Variants in SKIC3 observed in about 807,000 individuals in gnomAD.
SKIC3 encodes SKI3 subunit of superkiller complex.
At chr5:95,547,125 G>C in the SKIC3 span, 1 of 1,613,164 alleles carries the variant, frequency 6.2e-7, no homozygotes, top group Non-Finnish European at 8.5e-7. Context: ...ACTTTTTAGA[G>C]CAGTCTTCAC....
chr5:95,482,539 T>TGGGAGTGGCTTTTGTGACTCC, the SKIC3 span: 3 of 1,614,028 alleles, frequency 1.9e-6, no homozygotes, highest in Non-Finnish European at 2.5e-6. Context: ...GTACAGCATC[T>TGGGAGTGGCTTTTGTGACTCC]GGGAGTGGCT....
chr5:95,519,477 C>G, the SKIC3 span, among the ~76,000 whole-genome samples: 1 of 151,820 alleles, frequency 6.6e-6, no homozygotes, highest in Non-Finnish European at 1.5e-5. Flanking sequence ...CACTGAGAAT[C>G]TGAAAGAAGG....
chr5:95,523,863 A>AAATAAACT, the SKIC3 span: 1 of 1,597,930 alleles, frequency 6.3e-7, no homozygotes, highest in East Asian at 2.2e-5. Flanking sequence ...TAATAACAGA[A>AAATAAACT]CATTAAAAGT....
chr5:95,487,451 G>A, the SKIC3 span, among the ~76,000 whole-genome samples: 9 of 152,280 alleles, frequency 5.9e-5, no homozygotes, highest in South Asian at 1.9e-3. Flanking sequence ...TGGCATCCAA[G>A]GACAGGCAAG....
chr5:95,516,921 A>C, the SKIC3 span: 5 of 1,598,726 alleles, frequency 3.1e-6, no homozygotes, highest in African/African-American at 6.7e-5. Context: ...CATACATGTA[A>C]AGATTTCTCC....
the SKIC3 span, among the ~76,000 whole-genome samples, chr5:95,484,544 G>A: frequency 4.0e-5 from 6 of 151,666 alleles, no homozygotes; most frequent in Admixed American, 2.0e-4. Context: ...ACAGCCTCTC[G>A]CTATGTTGCC....
chr5:95,550,425 T>C, the SKIC3 span, among the ~76,000 whole-genome samples: 1 of 148,148 alleles, frequency 6.8e-6, no homozygotes, highest in African/African-American at 2.5e-5. Context: ...TATCTTTAAA[T>C]CTAATAACAA....
the SKIC3 span, among the ~76,000 whole-genome samples, chr5:95,519,631 T>C: frequency 7.9e-5 from 12 of 152,078 alleles, no homozygotes; most frequent in African/African-American, 2.7e-4. Context: ...AAATAAAATA[T>C]CTATAAATTG....
chr5:95,475,228 T>C, the SKIC3 span, among the ~76,000 whole-genome samples: 1 of 152,102 alleles, frequency 6.6e-6, no homozygotes, highest in African/African-American at 2.4e-5. Context: ...TCTGGGAGGG[T>C]TGGTGATATG....
chr5:95,527,387 T>C, the SKIC3 span, among the ~76,000 whole-genome samples: 1 of 152,200 alleles, frequency 6.6e-6, no homozygotes. Context: ...CGGTTCTGAT[T>C]TTAAAGAAAT....
chr5:95,529,842 T>C, the SKIC3 span, among the ~76,000 whole-genome samples: 16 of 148,154 alleles, frequency 1.1e-4, no homozygotes, highest in East Asian at 3.4e-3. Context: ...TTTTTCTCTC[T>C]TTCTATATAG....
the SKIC3 span, among the ~76,000 whole-genome samples, chr5:95,488,788 G>A: frequency 2.6e-5 from 4 of 151,492 alleles, no homozygotes; most frequent in African/African-American, 9.7e-5. Flanking sequence ...GACACAAATG[G>A]TACCACTACA....
the SKIC3 span, among the ~76,000 whole-genome samples, chr5:95,471,225 C>T: frequency 1.3e-5 from 2 of 152,134 alleles, no homozygotes; most frequent in African/African-American, 2.4e-5. Flanking sequence ...TTCTTAACAT[C>T]TTACTAAAAA....
chr5:95,482,387 A>G, the SKIC3 span: 1 of 1,400,830 alleles, frequency 7.1e-7, no homozygotes, highest in Non-Finnish European at 1.0e-6. Context: ...ACAGCAAGCC[A>G]AATAAAAATG....
the SKIC3 span, among the ~76,000 whole-genome samples, chr5:95,487,741 T>C: frequency 6.6e-6 from 1 of 152,102 alleles, no homozygotes; most frequent in Non-Finnish European, 1.5e-5. Context: ...AGACTAGATA[T>C]GCATATATCA....
the SKIC3 span, among the ~76,000 whole-genome samples, chr5:95,538,540 A>G: frequency 6.6e-6 from 1 of 152,156 alleles, no homozygotes; most frequent in African/African-American, 2.4e-5. Flanking sequence ...TATAGAGTCT[A>G]TATTTGTTTA....
chr5:95,540,905 A>G, the SKIC3 span: 1 of 1,418,312 alleles, frequency 7.1e-7, no homozygotes, highest in African/African-American at 1.4e-5. Context: ...ATCTGCAAAT[A>G]AAAACATTTT....
chr5:95,514,332 C>T, the SKIC3 span, among the ~76,000 whole-genome samples: 1 of 152,028 alleles, frequency 6.6e-6, no homozygotes, highest in Non-Finnish European at 1.5e-5. Flanking sequence ...AGGTAACAGA[C>T]TCAGACTAGT....
the SKIC3 span, among the ~76,000 whole-genome samples, chr5:95,534,046 C>T: frequency 6.6e-6 from 1 of 151,990 alleles, no homozygotes; most frequent in African/African-American, 2.4e-5. Context: ...AGAGTGAACA[C>T]CAGCCATTAA....
Sources: gnomAD v4.1 joint callset for allele counts (sites outside exome capture counted in the v4.1 genomes callset) on GRCh38, gnomAD v4.1.1 for gene constraint, MANE v1.5 for transcripts, NCBI Gene and HGNC (gene_info 2026-07-23, HGNC 2026-07-21) for gene names.